Variants in CAVIN1 observed in about 807,000 individuals in gnomAD.
The protein encoded by CAVIN1 is caveolae associated protein 1, also known as caveolae-associated protein 1.
Under a neutral mutation model 24.0 loss-of-function variants are expected in CAVIN1, and 16 were observed. The ratio of observed to expected loss-of-function variants is 0.67; its 90% CI spans 0.45 to 1.01. The LOEUF is 1.01. CAVIN1 is among the 50% of genes least tolerant of loss of function. The pLI, the probability that CAVIN1 is intolerant of heterozygous loss-of-function variation, is 0.00. For missense variants in CAVIN1, 510 were observed against 551.7 expected (o/e 0.92, Z 0.76); for synonymous variants, 256 against 256.4 (o/e 1.00, Z 0.02).
rs1428333240 is a variant in CAVIN1, at chr17:42,402,873, T to C, written c.*1814A>G. ...CTGTTCTTGCTTCTGACAAACCCCCTTTAATGGGGAGGAACAAGGGGACTC... is the reference window on the plus strand; with the variant it reads ...CTGTTCTTGCTTCTGACAAACCCCCCTTAATGGGGAGGAACAAGGGGACTC... On this transcript the variant is annotated 3_prime_UTR_variant, in exon 2 of 2. Coordinates refer to ENST00000357037, the MANE Select transcript of CAVIN1 (RefSeq NM_012232.6). The C allele has an allele frequency of 6.6e-6, 1 of 152,162 alleles. No homozygotes were observed. The highest frequency in any genetic ancestry group is 1.5e-5 in the Non-Finnish European group (1 of 68,082). The allele number at this position is 152,162 out of a possible 1,614,324, so 9.4% of individuals were successfully genotyped here.
rs1172377363 is a variant in CAVIN1, at chr17:42,422,964, T to C, written c.134A>G (p.Lys45Arg). Residue 45 changes from lysine to arginine, a missense_variant, in exon 1 of 2, where the codon AAG (lysine) becomes AGG (arginine). Physicochemically the swap from Lys to Arg is conservative, Grantham distance 26. Transcript: ENST00000357037. ...CAGCACGCCGTTCACCTGGTCCGAC[T>C]TGATCAGCTCTTCTGAGCCGGCCCC... Reference protein sequence around the residue: ...PSGAGSEELIKSDQVNGVLVL... With the variant: ...PSGAGSEELIRSDQVNGVLVL... 8 of 1,613,818 alleles carry C rather than the reference T, an allele frequency of 5.0e-6. No homozygotes were observed. The highest frequency in any genetic ancestry group is 1.3e-5 in the African/African-American group (1 of 74,920).
chr17:42,416,349 CAG>C (rs2145483454), intron 1 of CAVIN1, among the ~76,000 whole-genome samples: 1 of 147,366 alleles, frequency 6.8e-6, no homozygotes, highest in African/African-American at 2.5e-5. Context: ...GCCTGGGTGA[CAG>C]AGCAAGACTC....
intron 1 of CAVIN1, among the ~76,000 whole-genome samples, chr17:42,417,849 G>A (rs2085521189): frequency 6.6e-6 from 1 of 152,020 alleles, no homozygotes; most frequent in African/African-American, 2.4e-5. Context: ...ATTTAGAGAT[G>A]GGGTTTCACC....
intron 1 of CAVIN1, among the ~76,000 whole-genome samples, chr17:42,405,907 G>C (rs1056904584): frequency 6.6e-5 from 10 of 151,500 alleles, no homozygotes; most frequent in African/African-American, 2.4e-4. Context: ...GGCTGGTCTC[G>C]AACTCCCGAC....
intron 1 of CAVIN1, among the ~76,000 whole-genome samples, chr17:42,411,203 A>AAAAAAAAAAAAAAAAAAAAAAAAAAAAAC (rs1555586974): frequency 6.8e-6 from 1 of 147,300 alleles, no homozygotes; most frequent in African/African-American, 2.5e-5. Flanking sequence ...AAAAAAAAAA[A>AAAAAAAAAAAAAAAAAAAAAAAAAAAAAC]AAAAAACTAA....
intron 1 of CAVIN1, chr17:42,411,677 C>G (rs2085479717): frequency 8.1e-6 from 8 of 985,412 alleles, no homozygotes; most frequent in Non-Finnish European, 9.6e-6. Flanking sequence ...TGGCCCTCTC[C>G]AAAGAGGCTT....
intron 1 of CAVIN1, among the ~76,000 whole-genome samples, chr17:42,405,919 T>C (rs948546861): frequency 6.6e-6 from 1 of 152,028 alleles, no homozygotes; most frequent in African/African-American, 2.4e-5. Flanking sequence ...ACTCCCGACC[T>C]CAGGTGATCC....
intron 1 of CAVIN1, among the ~76,000 whole-genome samples, chr17:42,414,354 A>T (rs552145366): frequency 3.6e-4 from 54 of 151,488 alleles, no homozygotes; most frequent in African/African-American, 1.2e-3. Flanking sequence ...TCTTGCTACC[A>T]CTTAAGATAT....
chr17:42,423,168 G>T lies in CAVIN1; in HGVS notation c.-71C>A. On this transcript the variant is annotated 5_prime_UTR_variant, in exon 1 of 2. Coordinates refer to ENST00000357037, the MANE Select transcript of CAVIN1 (RefSeq NM_012232.6). ...GAGCGGGAGACCCGGAGAGAAGCAGGAGCGGAAGGGAGGAGAGCTAGCGGG... is the reference window on the plus strand; with the variant it reads ...GAGCGGGAGACCCGGAGAGAAGCAGTAGCGGAAGGGAGGAGAGCTAGCGGG... 1 of 1,222,624 alleles carries T rather than the reference G, an allele frequency of 8.2e-7. No homozygotes were observed. The allele number at this position is 1,222,624 out of a possible 1,614,324, so 75.7% of individuals were successfully genotyped here.
At position 42,422,700 on chromosome 17, in the gene CAVIN1, C is replaced by T. The variant is rs1336505093; in HGVS notation, c.398G>A (p.Gly133Glu). Reference sequence around the variant, plus strand: ...GTTGACCTCCAGCTTCTTGATCTGCCCCGCCTGGCGCTCCAGGCTGCCGCG... The same window carrying T: ...GTTGACCTCCAGCTTCTTGATCTGCTCCGCCTGGCGCTCCAGGCTGCCGCG... ...TVRGSLERQA[G>E]QIKKLEVNEA... is the part of the protein sequence containing the mutation. Residue 133 changes from glycine to glutamate, a missense_variant, in exon 1 of 2, where the codon GGG (glycine) becomes GAG (glutamate). Coordinates refer to ENST00000357037, the MANE Select transcript of CAVIN1 (RefSeq NM_012232.6). 1.2e-6 allele frequency: 2 copies of T among 1,608,318 alleles called. No individual in the cohort carries two copies. Among genetic ancestry groups the T allele is most frequent in the African/African-American group, 1.3e-5 (1 of 74,902 alleles).
intron 1 of CAVIN1, chr17:42,412,072 T>G: frequency 1.0e-6 from 1 of 985,322 alleles, no homozygotes; most frequent in Non-Finnish European, 1.2e-6. Flanking sequence ...TGTCAGCTCC[T>G]CTGGGGTGGG....
intron 1 of CAVIN1, among the ~76,000 whole-genome samples, chr17:42,413,773 G>C (rs1200702701): frequency 7.2e-5 from 11 of 152,146 alleles, no homozygotes; most frequent in Admixed American, 7.2e-4. Context: ...AGGCTACTAG[G>C]GGTGGATAAG....
At chr17:42,414,790 G>A (rs2085501840) in intron 1 of CAVIN1, among the ~76,000 whole-genome samples, 1 of 152,086 alleles carries the variant, frequency 6.6e-6, no homozygotes, top group Admixed American at 6.6e-5. Context: ...GGTACAAGGA[G>A]GAGGTGGGAG....
chr17:42,422,890 G>A lies in CAVIN1; in HGVS notation c.208C>T (p.Leu70=), dbSNP rs1402558942. 1 of 1,614,016 alleles carries A rather than the reference G, an allele frequency of 6.2e-7. No homozygotes were observed. Among genetic ancestry groups the A allele is most frequent in the East Asian group, 2.2e-5 (1 of 44,882 alleles). ...KIIGAVDQIQ[L]TQAQLEERQA... ...CGCTCCTCCAGCTGTGCTTGAGTCA[G>A]CTGGATCTGGTCTACGGCCCCGATG... Residue 70 remains leucine, a synonymous_variant, in exon 1 of 2, where the codon CTG becomes TTG. Transcript: ENST00000357037.
At chr17:42,411,982 GCTGTGGGCTGA>G in intron 1 of CAVIN1, 1 of 985,416 alleles carries the variant, frequency 1.0e-6, no homozygotes, top group South Asian at 4.7e-5. Flanking sequence ...TCACCACTAG[GCTGTGGGCTGA>G]CAGTGGACTG....
chr17:42,413,510 G>C (rs1049954672), intron 1 of CAVIN1, among the ~76,000 whole-genome samples: 3 of 138,660 alleles, frequency 2.2e-5, no homozygotes, highest in Admixed American at 8.0e-5. Flanking sequence ...AGTGAGCTGA[G>C]GTCCAGCCAC....
intron 1 of CAVIN1, among the ~76,000 whole-genome samples, chr17:42,413,565 GGAA>G (rs2085493524): frequency 8.0e-5 from 5 of 62,592 alleles, no homozygotes; most frequent in African/African-American, 2.3e-4. Flanking sequence ...TCTCAAAAAG[GGAA>G]AAAAAAAAAA....
chr17:42,422,953 C>T lies in CAVIN1; in HGVS notation c.145G>A (p.Val49Met). ...AGGCTCAGCACCAGCACGCCGTTCA[C>T]CTGGTCCGACTTGATCAGCTCTTCT... ...GSEELIKSDQ[V>M]NGVLVLSLLD... The change falls in exon 1 of 2, where the codon GTG becomes ATG. Residue 49 changes from valine (V) to methionine (M), a missense_variant. Transcript: ENST00000357037. 6.2e-7 allele frequency: 1 copy of T among 1,614,026 alleles called. No homozygotes were observed. Among genetic ancestry groups the T allele is most frequent in the Non-Finnish European group, 8.5e-7 (1 of 1,180,010 alleles).
intron 1 of CAVIN1, among the ~76,000 whole-genome samples, chr17:42,407,154 C>T (rs1195036378): frequency 6.6e-6 from 1 of 152,060 alleles, no homozygotes; most frequent in Non-Finnish European, 1.5e-5. Context: ...ACTCCCTCCC[C>T]CACCTCCACC....
Sources: allele counts gnomAD v4.1 joint callset (sites outside exome capture counted in the v4.1 genomes callset), GRCh38; gene constraint gnomAD v4.1.1; transcripts MANE v1.5; gene names NCBI Gene and HGNC (gene_info 2026-07-23, HGNC 2026-07-21).